The following ZFAND3 variants were observed in gnomAD, a reference collection of about 807,000 sequenced individuals.
The protein encoded by ZFAND3 is zinc finger AN1-type containing 3.
ZFAND3 carries 10 observed loss-of-function variants against 29.6 expected under a neutral mutation model. The ratio of observed to expected loss-of-function variants is 0.34; its 90% confidence interval spans 0.21 to 0.57. The LOEUF (loss-of-function observed/expected upper bound fraction) is 0.57, where lower values mean the gene tolerates loss of function less well. ZFAND3 is among the 20% of genes least tolerant of loss of function. ZFAND3 has a pLI of 0.86. For missense variants in ZFAND3, 230 were observed against 304.5 expected, an observed-to-expected ratio of 0.76 and a Z score of 1.82; for synonymous variants, 128 against 112.6, an observed-to-expected ratio of 1.14 and a Z score of -0.87.
In ZFAND3 at chr6:37,907,900, G is replaced by A. The variant is rs114944071; in HGVS notation, c.72-22059G>A. ...TATACTTTATCTCTTATGTATTTCA[G>A]CATGAATTTCCTAAGAATGAGAACA... On this transcript the variant is annotated intron_variant, in intron 1 of 5. Coordinates refer to ENST00000287218, the MANE Select transcript of ZFAND3 (RefSeq NM_021943.3). Among the ~76,000 whole-genome samples, 1,446 of 152,110 alleles carry A rather than the reference G, an allele frequency of 9.5e-3. 22 individuals carry two copies. Among genetic ancestry groups the A allele is most frequent in the African/African-American group, 0.033 (1,364 of 41,494 alleles).
At chr6:37,912,030 CTGTGTGTGTGTG>C (rs59017250) in intron 1 of ZFAND3, among the ~76,000 whole-genome samples, 120 of 139,800 alleles carry the variant, frequency 8.6e-4, no homozygotes, top group Admixed American at 2.4e-3. Context: ...AGTCTTTTAT[CTGTGTGTGTGTG>C]TGTGTGTGTG....
At chr6:37,956,466 C>G (rs537237970) in intron 2 of ZFAND3, among the ~76,000 whole-genome samples, 1 of 152,258 alleles carries the variant, frequency 6.6e-6, no homozygotes, top group Admixed American at 6.5e-5. Context: ...TCACAGAGGT[C>G]ACAACCATCA....
chr6:38,026,442 T>C (rs1419475005), intron 2 of ZFAND3, among the ~76,000 whole-genome samples: 1 of 145,614 alleles, frequency 6.9e-6, no homozygotes, highest in Non-Finnish European at 1.5e-5. Context: ...TTTTTTTTTT[T>C]TTTTTGAGAC....
intron 1 of ZFAND3, among the ~76,000 whole-genome samples, chr6:37,863,955 C>T (rs937021137): frequency 6.6e-6 from 1 of 151,224 alleles, no homozygotes; most frequent in African/African-American, 2.4e-5. Context: ...CATGATTTGT[C>T]ACTAGACTAG....
At chr6:37,901,935 T>A (rs12664091) in intron 1 of ZFAND3, among the ~76,000 whole-genome samples, 32,740 of 152,132 alleles carry the variant, frequency 0.22, 4,362 homozygotes, top group African/African-American at 0.37. Context: ...CCTTACTTGG[T>A]TCTCTGGTGC....
intron 4 of ZFAND3, among the ~76,000 whole-genome samples, chr6:38,109,331 C>T (rs754268664): frequency 1.3e-5 from 2 of 151,994 alleles, no homozygotes; most frequent in African/African-American, 2.4e-5. Context: ...TACAGGTGTG[C>T]GCCACTACCA....
At chr6:37,874,915 T>C (rs1054416282) in intron 1 of ZFAND3, among the ~76,000 whole-genome samples, 1 of 152,200 alleles carries the variant, frequency 6.6e-6, no homozygotes, top group Non-Finnish European at 1.5e-5. Context: ...AAAATATGGC[T>C]AAAGGGCTAG....
At chr6:38,058,444 A>G (rs1412496372) in intron 2 of ZFAND3, among the ~76,000 whole-genome samples, 2 of 152,264 alleles carry the variant, frequency 1.3e-5, no homozygotes, top group South Asian at 2.1e-4. Context: ...TGAAGGTGCT[A>G]TACAAATAAC....
At chr6:37,921,088 C>T (rs758218000) in intron 1 of ZFAND3, among the ~76,000 whole-genome samples, 2 of 152,088 alleles carry the variant, frequency 1.3e-5, no homozygotes, top group African/African-American at 2.4e-5. Context: ...CCCCACTCCT[C>T]GCCGCCTTCT....
chr6:37,974,431 G>T (rs1360010702), intron 2 of ZFAND3, among the ~76,000 whole-genome samples: 1 of 135,930 alleles, frequency 7.4e-6, no homozygotes. Flanking sequence ...TGGAGACAGG[G>T]TCTAGCTGTG....
intron 1 of ZFAND3, among the ~76,000 whole-genome samples, chr6:37,868,790 A>G (rs545536238): frequency 6.6e-6 from 1 of 152,264 alleles, no homozygotes; most frequent in African/African-American, 2.4e-5. Context: ...TTTGTTAAAG[A>G]TTTTTGCATA....
chr6:38,138,786 G>A (rs1345380513), intron 5 of ZFAND3, among the ~76,000 whole-genome samples: 1 of 152,138 alleles, frequency 6.6e-6, no homozygotes, highest in African/African-American at 2.4e-5. Context: ...GAGAAGATGA[G>A]GAGATAAACT....
intron 4 of ZFAND3, among the ~76,000 whole-genome samples, chr6:38,095,393 A>G (rs969698109): frequency 2.0e-5 from 3 of 152,160 alleles, no homozygotes; most frequent in Non-Finnish European, 4.4e-5. Flanking sequence ...TAGCTTTTTA[A>G]TACAGGTCCC....
chr6:38,130,839 G>A (rs577337250), intron 5 of ZFAND3, among the ~76,000 whole-genome samples: 2 of 152,232 alleles, frequency 1.3e-5, no homozygotes, highest in Non-Finnish European at 2.9e-5. Flanking sequence ...AATGATTTGG[G>A]GAGGGTTTCC....
intron 1 of ZFAND3, among the ~76,000 whole-genome samples, chr6:37,835,880 T>G (rs1041624652): frequency 6.6e-6 from 1 of 152,206 alleles, no homozygotes; most frequent in Non-Finnish European, 1.5e-5. Flanking sequence ...AGAACAGTAT[T>G]CCAGTTAGGT....
chr6:37,897,013 A>G (rs943051964), intron 1 of ZFAND3, among the ~76,000 whole-genome samples: 2 of 152,114 alleles, frequency 1.3e-5, no homozygotes, highest in African/African-American at 4.8e-5. Context: ...ATTGTTGATA[A>G]TATCCTCTTT....
chr6:38,041,678 T>C (rs941383813), intron 2 of ZFAND3, among the ~76,000 whole-genome samples: 20 of 21,132 alleles, frequency 9.5e-4, no homozygotes, highest in African/African-American at 2.4e-3. Flanking sequence ...TTCTTCTTCT[T>C]CTTCTTCTCC....
At chr6:37,895,551 A>G (rs1263405028) in intron 1 of ZFAND3, among the ~76,000 whole-genome samples, 1 of 147,284 alleles carries the variant, frequency 6.8e-6, no homozygotes, top group Non-Finnish European at 1.5e-5. Context: ...AAAAACATGA[A>G]CATACGGAAT....
chr6:37,978,670 G>A (rs1762529748), intron 2 of ZFAND3, among the ~76,000 whole-genome samples: 1 of 152,140 alleles, frequency 6.6e-6, no homozygotes, highest in African/African-American at 2.4e-5. Context: ...CTTTTAGTGC[G>A]TTTGTCCATT....
Sources: gnomAD v4.1 joint callset for allele counts (sites outside exome capture counted in the v4.1 genomes callset) on GRCh38, gnomAD v4.1.1 for gene constraint, MANE v1.5 for transcripts, NCBI Gene and HGNC (gene_info 2026-07-23, HGNC 2026-07-21) for gene names.